WIPF1: variants seen among roughly 807,000 people sequenced by gnomAD.
WIPF1 encodes the protein WAS/WASL-interacting protein family member 1.
A neutral mutation model predicts 35.4 loss-of-function variants in WIPF1; 13 were observed. The observed-to-expected ratio is 0.37, with a 90% CI of 0.24 to 0.58. WIPF1 has a LOEUF of 0.58. WIPF1 is among the 20% of genes least tolerant of loss of function. The probability of loss-of-function intolerance (pLI) is 0.74; values close to 1 mark genes in which losing one functional copy is unlikely to be tolerated. For missense variants in WIPF1, 591 were observed against 667.0 expected (o/e 0.89, Z 1.25); for synonymous variants, 267 against 266.3 (o/e 1.00, Z -0.02).
At chr2:174,584,903 CAAA>C (rs34445660) in intron 2 of WIPF1, among the ~76,000 whole-genome samples, 1 of 132,304 alleles carries the variant, frequency 7.6e-6, no homozygotes. Flanking sequence ...GAGCGAGACT[CAAA>C]AAAAAAAAAA....
chr2:174,679,358 C>T (rs1688204197), intron 1 of WIPF1, among the ~76,000 whole-genome samples: 1 of 151,804 alleles, frequency 6.6e-6, no homozygotes, highest in Non-Finnish European at 1.5e-5. Flanking sequence ...ATCCCAGCTA[C>T]TTGGGAGGCT....
chr2:174,637,679 T>C (rs776208065), intron 1 of WIPF1, among the ~76,000 whole-genome samples: 1 of 152,194 alleles, frequency 6.6e-6, no homozygotes, highest in African/African-American at 2.4e-5. Context: ...CCCAGCTACT[T>C]GGGAGGCTGA....
chr2:174,647,206 C>T (rs1687428897), intron 1 of WIPF1, among the ~76,000 whole-genome samples: 1 of 151,496 alleles, frequency 6.6e-6, no homozygotes, highest in South Asian at 2.1e-4. Flanking sequence ...ATCCTGTCTC[C>T]AAAACATTTT....
chr2:174,620,872 A>T (rs1451872113), intron 1 of WIPF1, among the ~76,000 whole-genome samples: 1 of 152,188 alleles, frequency 6.6e-6, no homozygotes, highest in African/African-American at 2.4e-5. Context: ...AAGATAAAAT[A>T]AGAAGAATAA....
At chr2:174,652,062 C>T (rs547794134) in intron 1 of WIPF1, among the ~76,000 whole-genome samples, 14 of 152,272 alleles carry the variant, frequency 9.2e-5, no homozygotes, top group South Asian at 8.3e-4. Flanking sequence ...GCTCAAGTCT[C>T]GAAATGCAAG....
intron 5 of WIPF1, among the ~76,000 whole-genome samples, chr2:174,569,857 A>G (rs944891220): frequency 1.3e-5 from 2 of 152,198 alleles, no homozygotes; most frequent in African/African-American, 4.8e-5. Context: ...CCCACTCCCC[A>G]TAACACTGAA....
intron 1 of WIPF1, among the ~76,000 whole-genome samples, 166 bp from the exon 2 acceptor site, chr2:174,585,777 C>G (rs867458213): frequency 6.6e-6 from 1 of 152,186 alleles, no homozygotes; most frequent in South Asian, 2.1e-4. Context: ...CTGGAAGGAT[C>G]CCGGCAGAGG....
intron 1 of WIPF1, among the ~76,000 whole-genome samples, chr2:174,650,760 G>C (rs1687518916): frequency 6.6e-6 from 1 of 152,220 alleles, no homozygotes; most frequent in South Asian, 2.1e-4. Flanking sequence ...AGGGACCCTT[G>C]CTCTGATTCA....
intron 1 of WIPF1, among the ~76,000 whole-genome samples, chr2:174,589,733 C>T (rs1270840821): frequency 2.3e-5 from 2 of 86,954 alleles, no homozygotes; most frequent in African/African-American, 8.6e-5. Flanking sequence ...TATTCTTTCA[C>T]CCATAGTTTT....
chr2:174,564,934 G>A (rs1162742221), intron 7 of WIPF1, among the ~76,000 whole-genome samples: 2 of 145,360 alleles, frequency 1.4e-5, no homozygotes, highest in Non-Finnish European at 3.0e-5. Context: ...TTTCGCTCTC[G>A]TTGCCCAGGC....
At chr2:174,654,630 AGAT>A (rs1687605626) in intron 1 of WIPF1, among the ~76,000 whole-genome samples, 1 of 151,412 alleles carries the variant, frequency 6.6e-6, no homozygotes, top group Admixed American at 6.6e-5. Context: ...TTTCCTCCTC[AGAT>A]GATTCATACT....
intron 1 of WIPF1, among the ~76,000 whole-genome samples, chr2:174,592,281 C>G (rs1436914309): frequency 6.6e-6 from 1 of 152,186 alleles, no homozygotes; most frequent in East Asian, 1.9e-4. Context: ...AGGCCGGTCT[C>G]TAATCCCAAG....
At chr2:174,648,651 T>C (rs554774872) in intron 1 of WIPF1, among the ~76,000 whole-genome samples, 234 of 152,308 alleles carry the variant, frequency 1.5e-3, no homozygotes, top group Non-Finnish European at 2.6e-3. Flanking sequence ...CATGCTGAGA[T>C]TTCTAGTAAC....
chr2:174,637,473 C>G (rs1331847891), intron 1 of WIPF1, among the ~76,000 whole-genome samples: 1 of 152,188 alleles, frequency 6.6e-6, no homozygotes, highest in African/African-American at 2.4e-5. Context: ...TAAAATTAGT[C>G]CTACCTACCT....
intron 1 of WIPF1, among the ~76,000 whole-genome samples, chr2:174,593,187 A>G (rs1685679848): frequency 6.6e-6 from 1 of 152,122 alleles, no homozygotes; most frequent in African/African-American, 2.4e-5. Context: ...TTATTTTGAT[A>G]CATGTCCTTC....
intron 1 of WIPF1, among the ~76,000 whole-genome samples, chr2:174,628,894 C>A (rs944822431): frequency 5.3e-5 from 8 of 152,124 alleles, no homozygotes; most frequent in Non-Finnish European, 8.8e-5. Flanking sequence ...TTATTTTTTT[C>A]CTACCTCTTT....
chr2:174,598,637 C>T (rs1685898796), upstream of WIPF1, among the ~76,000 whole-genome samples: 1 of 152,098 alleles, frequency 6.6e-6, no homozygotes, highest in Non-Finnish European at 1.5e-5. Flanking sequence ...AGTTTTGAAA[C>T]GTGATTTTGG....
rs1559145184 is a variant in WIPF1, at chr2:174,567,805, C to G, written c.1342+56G>C. On this transcript the variant is annotated intron_variant, in intron 6 of 7. Transcript: ENST00000679041. ...CAAACAAGCAAACCACATATACAAA[C>G]AGATTTACCATTTAGTTGCTGCCCT... 3 of 1,503,544 alleles carry G rather than the reference C, an allele frequency of 2.0e-6. No individual in the cohort carries two copies. In the African/African-American group the frequency reaches 4.2e-5, roughly 21 times the overall value. The allele number at this position is 1,503,544 out of a possible 1,614,324, so 93.1% of individuals were successfully genotyped here. A position where few individuals can be genotyped will look rare whatever the true frequency, so the allele number is the denominator to read the frequency against.
chr2:174,608,560 T>C (rs991542042), intron 1 of WIPF1, among the ~76,000 whole-genome samples: 4 of 152,160 alleles, frequency 2.6e-5, no homozygotes, highest in Non-Finnish European at 5.9e-5. Context: ...AATGCAAACA[T>C]TTCCCAGTTA....
Sources: gnomAD v4.1 joint callset for allele counts (sites outside exome capture counted in the v4.1 genomes callset) on GRCh38, gnomAD v4.1.1 for gene constraint, MANE v1.5 for transcripts, NCBI Gene and HGNC (gene_info 2026-07-23, HGNC 2026-07-21) for gene names.